The following OGDH variants were observed in gnomAD, a reference collection of about 807,000 sequenced individuals.
The protein encoded by OGDH is 2-oxoglutarate dehydrogenase complex component E1.
In OGDH, 38 loss-of-function variants were observed where a neutral mutation model predicts 116.6. That is an observed-to-expected ratio of 0.33 (90% CI 0.25 to 0.43). The LOEUF (loss-of-function observed/expected upper bound fraction) is 0.43. Among genes scored for constraint, OGDH ranks in the 20% least tolerant of loss-of-function variants. OGDH has a pLI of 1.00. For missense variants in OGDH, 825 were observed against 1,357.2 expected (o/e 0.61, Z 6.16); for synonymous variants, 488 against 533.3 (o/e 0.92, Z 1.17).
chr7:44,652,289 T>C (rs1445419054), intron 4 of OGDH, among the ~76,000 whole-genome samples: 1 of 151,780 alleles, frequency 6.6e-6, no homozygotes, highest in Non-Finnish European at 1.5e-5. Context: ...TTTGTATTTT[T>C]AGTAGAGACC....
intron 20 of OGDH, 103 bp downstream of exon 20, chr7:44,701,718 C>G: frequency 8.6e-7 from 1 of 1,156,854 alleles, no homozygotes; most frequent in Non-Finnish European, 1.3e-6. Flanking sequence ...GTGATTCTCA[C>G]TGGCTCTTGC....
intron 10 of OGDH, among the ~76,000 whole-genome samples, chr7:44,682,548 C>T (rs1787973215): frequency 6.6e-6 from 1 of 151,458 alleles, no homozygotes; most frequent in South Asian, 2.1e-4. Context: ...AAATACAAAG[C>T]TACCTGCTTG....
rs1785128431 is a variant in OGDH at position 44,624,531 on chromosome 7, G to C, written c.188G>C (p.Cys63Ser). 2 of 1,613,832 alleles carry C rather than the reference G, an allele frequency of 1.2e-6. No homozygotes were observed. The highest frequency in any genetic ancestry group is 2.7e-5 in the African/African-American group (2 of 74,958). The change falls in exon 2 of 23, where the codon TGT becomes TCT. Residue 63 changes from cysteine (C) to serine (S), a missense_variant. Transcript: ENST00000222673. The stretch of plus-strand genomic sequence containing the variant: ...TCGAACTATGTGGAGGAGATGTACT[G>C]TGCTTGGCTGGAAAACCCCAAAAGT... Reference protein sequence around the residue: ...TSSNYVEEMYCAWLENPKSVH... With the variant: ...TSSNYVEEMYSAWLENPKSVH...
At chr7:44,610,637 G>A (rs982559273) in intron 1 of OGDH, among the ~76,000 whole-genome samples, 6 of 150,116 alleles carry the variant, frequency 4.0e-5, no homozygotes, top group East Asian at 2.0e-4. Flanking sequence ...TGTTTGAGAC[G>A]GAGTCTTGCT....
intron 20 of OGDH, among the ~76,000 whole-genome samples, chr7:44,704,436 G>C (rs1374281985): frequency 1.3e-5 from 2 of 151,076 alleles, no homozygotes; most frequent in Non-Finnish European, 2.9e-5. Flanking sequence ...GCCCAGGCTA[G>C]TCTTGAACTC....
intron 4 of OGDH, among the ~76,000 whole-genome samples, chr7:44,661,696 G>A (rs915043817): frequency 1.3e-5 from 2 of 151,872 alleles, no homozygotes; most frequent in South Asian, 2.1e-4. Flanking sequence ...TCTGCCTTCC[G>A]GTTCAAGCGA....
intron 4 of OGDH, among the ~76,000 whole-genome samples, chr7:44,662,382 G>C (rs974040976): frequency 3.9e-5 from 6 of 151,900 alleles, no homozygotes; most frequent in Non-Finnish European, 7.4e-5. Context: ...GTGGATGTAA[G>C]ATTCTGGTTA....
intron 10 of OGDH, among the ~76,000 whole-genome samples, chr7:44,693,006 T>TA (rs77813445): frequency 0.018 from 2,532 of 139,174 alleles, 74 homozygotes; most frequent in African/African-American, 0.059. Flanking sequence ...ACTCTCTCTT[T>TA]AAAAAAAAAA....
chr7:44,696,261 C>T lies in OGDH; in HGVS notation c.1771+134C>T, dbSNP rs550126152. 35 of 1,034,230 alleles carry T rather than the reference C, an allele frequency of 3.4e-5. No individual in the cohort carries two copies. In the South Asian group the frequency reaches 4.9e-4, roughly 14 times the overall value. 64.1% of individuals were successfully genotyped at this position (1,034,230 alleles called of 1,614,324 possible). ...AGTTGTATGCACCATTTCAGCAAAG[C>T]CCCCTGCAGACCCTGGACCCAGACC... On this transcript the variant is annotated intron_variant, in intron 13 of 22. Coordinates refer to ENST00000222673, the MANE Select transcript of OGDH (RefSeq NM_002541.4).
chr7:44,675,338 T>G (rs992006023), intron 8 of OGDH, 70 bp downstream of exon 8: 1 of 1,267,166 alleles, frequency 7.9e-7, no homozygotes. Context: ...TCCACTTCTT[T>G]CTTAGAATGA....
intron 5 of OGDH, among the ~76,000 whole-genome samples, chr7:44,670,748 A>G (rs149583644): frequency 6.6e-6 from 1 of 151,924 alleles, no homozygotes; most frequent in Non-Finnish European, 1.5e-5. Context: ...TGGTGGCTCA[A>G]GCCTGTAATC....
Position 44,694,340 on chromosome 7 carries a change from G to A in OGDH, c.1516-84G>A. The stretch of plus-strand genomic sequence containing the variant: ...GAATGAAGAACGTGGCCATCACCTA[G>A]GAGAGATGGGGCAGGTGCCTGAACA... On this transcript the variant is annotated intron_variant, in intron 11 of 22. Transcript: ENST00000222673. This position sits in a 1 kb window ranked among gnomAD's most constrained non-coding sequence, Gnocchi z 4.2. The A allele has an allele frequency of 2.0e-6, 3 of 1,532,184 alleles. No homozygotes were observed. Among genetic ancestry groups the A allele is most frequent in the Non-Finnish European group, 2.7e-6 (3 of 1,129,686 alleles). 94.9% of individuals were successfully genotyped at this position (1,532,184 alleles called of 1,614,324 possible).
intron 2 of OGDH, among the ~76,000 whole-genome samples, chr7:44,639,109 G>T (rs1166244513): frequency 1.3e-5 from 2 of 152,216 alleles, no homozygotes; most frequent in Admixed American, 1.3e-4. Context: ...ATGATGCTGG[G>T]GCATGGGAGC....
intron 9 of OGDH, among the ~76,000 whole-genome samples, chr7:44,681,279 A>G (rs1787919201): frequency 6.6e-6 from 1 of 152,232 alleles, no homozygotes; most frequent in East Asian, 1.9e-4. Flanking sequence ...TGTCCTTCCC[A>G]AGTGGGGACC....
intron 9 of OGDH, among the ~76,000 whole-genome samples, chr7:44,679,286 T>C (rs753104196): frequency 6.6e-6 from 1 of 152,142 alleles, no homozygotes; most frequent in Non-Finnish European, 1.5e-5. Flanking sequence ...GAAATGTCAG[T>C]GACTCAAAAC....
chr7:44,653,847 A>T (rs1270935524), intron 4 of OGDH, among the ~76,000 whole-genome samples: 2 of 140,894 alleles, frequency 1.4e-5, no homozygotes, highest in African/African-American at 2.9e-5. Flanking sequence ...GTTTTTTTTT[A>T]TTTTTATTTT....
rs549161499 is a variant in OGDH at position 44,617,428 on chromosome 7, C to T, written c.-27-6889C>T. ...GCTCACACAGTGACTTGGTGTCACA[C>T]GGTCTCTGTACCTGCAGGCTCAACA... On this transcript the variant is annotated intron_variant, in intron 1 of 22. Transcript: ENST00000222673. Among the ~76,000 whole-genome samples the T allele has an allele frequency of 5.3e-5, 8 of 152,146 alleles. No homozygotes were observed. In the South Asian group the frequency reaches 8.3e-4, roughly 16 times the overall value.
chr7:44,680,394 T>G (rs544146173), intron 9 of OGDH, among the ~76,000 whole-genome samples: 1 of 152,222 alleles, frequency 6.6e-6, no homozygotes, highest in South Asian at 2.1e-4. Flanking sequence ...TTGGGGACAC[T>G]GAGCAAATGA....
At position 44,683,637 on chromosome 7, in the gene OGDH, A is replaced by G. The variant is rs543726157; in HGVS notation, c.1335+1789A>G. Among the ~76,000 whole-genome samples the G allele has an allele frequency of 9.2e-5, 14 of 152,260 alleles. No individual in the cohort carries two copies. In the South Asian group the frequency reaches 2.9e-3, roughly 32 times the overall value. On this transcript the variant is annotated intron_variant, in intron 10 of 22. Transcript: ENST00000222673. ...TGTACACAGCTTTATATCCACTCTT[A>G]TTTACCACATATTTGCTCATATCAT... is the stretch of plus-strand genomic sequence containing the variant.
Sources: gnomAD v4.1 joint callset for allele counts (sites outside exome capture counted in the v4.1 genomes callset) on GRCh38, gnomAD v4.1.1 for gene constraint, Gnocchi (gnomAD v3.1) non-coding constraint, MANE v1.5 for transcripts, NCBI Gene and HGNC (gene_info 2026-07-23, HGNC 2026-07-21) for gene names.